Variants in CERS4 observed in about 807,000 individuals in gnomAD.
CERS4 encodes the protein LAG1 homolog, ceramide synthase 4.
In CERS4, 65 loss-of-function variants were observed where a neutral mutation model predicts 51.8. The observed-to-expected ratio is 1.26, with a 90% CI of 1.03 to 1.54. The LOEUF (loss-of-function observed/expected upper bound fraction) is 1.54, where lower values mean the gene tolerates loss of function less well. Ranked by LOEUF, CERS4 falls within the 40% of genes most tolerant of loss-of-function variation. The pLI is 0.00. For synonymous variants in CERS4, 228 were observed against 208.4 expected, an observed-to-expected ratio of 1.09 and a Z score of -0.81; for missense variants, 563 against 500.4, an observed-to-expected ratio of 1.13 and a Z score of -1.19.
intron 2 of CERS4, among the ~76,000 whole-genome samples, chr19:8,236,982 A>AT (rs1968289552): frequency 7.2e-6 from 1 of 139,404 alleles, no homozygotes; most frequent in Non-Finnish European, 1.5e-5. Flanking sequence ...CAGCCTGGGC[A>AT]ACAGAGCGAG....
In CERS4 at chr19:8,261,956, A is replaced by G. The variant is rs1308911192; in HGVS notation, c.1032A>G (p.Val344=). ...GQMEKDIRSD[V]EESDSSEEAA... ...TGGAGAAGGACATTCGTAGTGATGT[A>G]GAAGAATCAGACTCCAGTGAGGAGG... Residue 344 remains valine (V), a synonymous_variant, in exon 12 of 12, where the codon GTA becomes GTG. Coordinates refer to ENST00000251363, the MANE Select transcript of CERS4 (RefSeq NM_024552.3). The G allele has an allele frequency of 1.9e-6, 3 of 1,606,184 alleles. No individual in the cohort carries two copies. The highest frequency in any genetic ancestry group is 2.5e-6 in the Non-Finnish European group (3 of 1,176,632).
chr19:8,256,071 T>G, intron 6 of CERS4, 165 bp from the exon 7 acceptor site: 2 of 945,998 alleles, frequency 2.1e-6, no homozygotes, highest in South Asian at 3.2e-5. Context: ...AAGTTGGGGT[T>G]CTGCAGTGAA....
At position 8,254,606 on chromosome 19, in the gene CERS4, G is replaced by A. The variant is rs1164041751; in HGVS notation, c.281G>A (p.Arg94Lys). 7 of 1,607,644 alleles carry A rather than the reference G, an allele frequency of 4.4e-6. No individual in the cohort carries two copies. The highest frequency in any genetic ancestry group is 5.9e-6 in the Non-Finnish European group (7 of 1,177,848). The change falls in exon 4 of 12, where the codon AGG (arginine) becomes AAG (lysine). Residue 94 changes from arginine (R) to lysine (K), a missense_variant. Arg to Lys is a conservative substitution (Grantham distance 26). Transcript: ENST00000251363. ...LEKHFLTEGH[R>K]PKEPQLSLLA... is the part of the protein sequence containing the mutation. ...AAACACTTCCTCACGGAAGGGCACA[G>A]GCCCAAGGAGGTGAGAGCCCCCCAT...
rs1968106516 is a variant in CERS4 at position 8,233,497 on chromosome 19, T to A, written c.-1-17579T>A. On this transcript the variant is annotated intron_variant, in intron 2 of 11. Coordinates refer to ENST00000251363, the MANE Select transcript of CERS4 (RefSeq NM_024552.3). The stretch of plus-strand genomic sequence containing the variant: ...AGTTGTTTTTTTATATTTAGCTCAG[T>A]GTTTATCATTGTTATCTATGAAAGA... Among the ~76,000 whole-genome samples, 8 of 152,002 alleles carry A rather than the reference T, an allele frequency of 5.3e-5. No individual in the cohort carries two copies. In the South Asian group the frequency reaches 1.5e-3, roughly 28 times the overall value.
chr19:8,248,712 T>G (rs1968903157), intron 2 of CERS4, among the ~76,000 whole-genome samples: 2 of 139,384 alleles, frequency 1.4e-5, no homozygotes, highest in African/African-American at 5.5e-5. Context: ...AATGGGTGGG[T>G]AGATGGATGA....
chr19:8,258,495 G>C (rs952317842), intron 10 of CERS4, among the ~76,000 whole-genome samples: 3 of 151,508 alleles, frequency 2.0e-5, no homozygotes, highest in African/African-American at 7.3e-5. Context: ...GGTCACTTGA[G>C]GTCAGGAGTT....
Position 8,256,978 on chromosome 19 carries a change from C to G in CERS4, c.642C>G (p.Phe214Leu). Residue 214 changes from phenylalanine to leucine, a missense_variant, in exon 9 of 12, where the codon TTC becomes TTG. Physicochemically the swap from Phe to Leu is conservative, Grantham distance 22. Transcript: ENST00000251363. The part of the protein sequence containing the change: ...KDFKEQVIHH[F>L]VAVILMTFSY... ...TCAAGGAGCAGGTGATACACCACTTCGTGGCGGTCATCCTGATGACCTTCT... is the reference window on the plus strand; with the variant it reads ...TCAAGGAGCAGGTGATACACCACTTGGTGGCGGTCATCCTGATGACCTTCT... 1 of 1,614,144 alleles carries G rather than the reference C, an allele frequency of 6.2e-7. No individual in the cohort carries two copies. Among genetic ancestry groups the G allele is most frequent in the South Asian group, 1.1e-5 (1 of 91,084 alleles).
At chr19:8,236,680 TAAAA>T (rs59164781) in intron 2 of CERS4, among the ~76,000 whole-genome samples, 13 of 122,354 alleles carry the variant, frequency 1.1e-4, no homozygotes, top group African/African-American at 2.4e-4. Flanking sequence ...CCCTGTCTTC[TAAAA>T]AAAAAAAAAA....
intron 2 of CERS4, among the ~76,000 whole-genome samples, chr19:8,212,044 G>A (rs541866583): frequency 1.6e-4 from 25 of 152,194 alleles, no homozygotes; most frequent in African/African-American, 5.8e-4. Context: ...GAGTTAACCA[G>A]GCCAAGAGAC....
At position 8,246,275 on chromosome 19, in the gene CERS4, G is replaced by A. The variant is rs994287700; in HGVS notation, c.-1-4801G>A. Among the ~76,000 whole-genome samples, 10 of 152,020 alleles carry A rather than the reference G, an allele frequency of 6.6e-5. No individual in the cohort carries two copies. In the South Asian group the frequency reaches 1.0e-3, roughly 16 times the overall value. The stretch of plus-strand genomic sequence containing the variant: ...TGACTGTACCCTTAAAGATGTGTGC[G>A]GGCCAGGCGCAGTGGCTCATGCCTG... On this transcript the variant is annotated intron_variant, in intron 2 of 11. Transcript: ENST00000251363.
intron 2 of CERS4, among the ~76,000 whole-genome samples, chr19:8,223,182 A>AT (rs780376365): frequency 4.6e-5 from 7 of 151,554 alleles, no homozygotes; most frequent in Admixed American, 1.3e-4. Context: ...AAAAAAAAAA[A>AT]TTAGCTGGGC....
In CERS4 at chr19:8,257,066, T is replaced by C. The variant is rs780854348; in HGVS notation, c.730T>C (p.Tyr244His). ...GCTGCTGTTACACGATTCCTCTGAC[T>C]ACCTGCTGGAGGTGGGCCCGACCCC... ...LVLLLHDSSDYLLEACKMVNY... is the reference protein window; with the variant it reads ...LVLLLHDSSDHLLEACKMVNY... The change falls in exon 9 of 12, where the codon TAC becomes CAC. Residue 244 changes from tyrosine to histidine, a missense_variant. Coordinates refer to ENST00000251363, the MANE Select transcript of CERS4 (RefSeq NM_024552.3). 1 of 1,602,004 alleles carries C rather than the reference T, an allele frequency of 6.2e-7. No individual in the cohort carries two copies. Among genetic ancestry groups the C allele is most frequent in the South Asian group, 1.1e-5 (1 of 89,346 alleles).
chr19:8,232,257 T>C (rs56841605), intron 2 of CERS4, among the ~76,000 whole-genome samples: 1 of 152,178 alleles, frequency 6.6e-6, no homozygotes, highest in African/African-American at 2.4e-5. Flanking sequence ...TTTTCCTCTT[T>C]AGAGTGATAC....
intron 2 of CERS4, among the ~76,000 whole-genome samples, chr19:8,219,194 G>A (rs894454683): frequency 9.2e-5 from 14 of 152,222 alleles, no homozygotes; most frequent in African/African-American, 3.1e-4. Context: ...GTGACAGAGC[G>A]AGACTTCATC....
intron 2 of CERS4, among the ~76,000 whole-genome samples, chr19:8,245,714 AT>A (rs2145265623): frequency 6.6e-6 from 1 of 151,078 alleles, no homozygotes; most frequent in East Asian, 2.0e-4. Context: ...TAATTTTTGT[AT>A]TTTTAGTAGA....
At chr19:8,257,135 C>G in intron 9 of CERS4, 58 bp downstream of exon 9, 3 of 1,517,790 alleles carry the variant, frequency 2.0e-6, no homozygotes, top group Non-Finnish European at 8.9e-7. Flanking sequence ...TCCCAGGTGC[C>G]CCAGAGATGA....
At chr19:8,238,201 A>G (rs1968360459) in intron 2 of CERS4, among the ~76,000 whole-genome samples, 1 of 152,018 alleles carries the variant, frequency 6.6e-6, no homozygotes, top group Non-Finnish European at 1.5e-5. Flanking sequence ...TGGCCTGACC[A>G]TCACTAACTG....
chr19:8,220,591 C>T (rs1031424917), intron 2 of CERS4, among the ~76,000 whole-genome samples: 7 of 152,082 alleles, frequency 4.6e-5, no homozygotes, highest in Non-Finnish European at 1.0e-4. Context: ...AGGCATGAGC[C>T]ACCGCGTCCG....
At chr19:8,244,373 C>T (rs1249347970) in intron 2 of CERS4, among the ~76,000 whole-genome samples, 19 of 152,222 alleles carry the variant, frequency 1.2e-4, no homozygotes, top group Admixed American at 1.2e-3. Flanking sequence ...AAAATGTAGT[C>T]TCTTAGCAAT....
Sources: allele counts gnomAD v4.1 joint callset (sites outside exome capture counted in the v4.1 genomes callset), GRCh38; gene constraint gnomAD v4.1.1; transcripts MANE v1.5; gene names NCBI Gene and HGNC (gene_info 2026-07-23, HGNC 2026-07-21).